Variants in TRAPPC8 observed in about 807,000 individuals in gnomAD.
TRAPPC8 encodes the protein general sporulation gene 1 homolog.
Under a neutral mutation model 174.3 loss-of-function variants are expected in TRAPPC8, and 54 were observed. That is an observed-to-expected ratio of 0.31 (90% CI 0.25 to 0.39). The LOEUF is 0.39. Ranked by LOEUF, TRAPPC8 falls within the 10% of genes least tolerant of loss-of-function variation. The pLI, the probability that TRAPPC8 is intolerant of heterozygous loss-of-function variation, is 1.00. For missense variants in TRAPPC8, 1,531 were observed against 1,699.1 expected, an observed-to-expected ratio of 0.90 and a Z score of 1.74; for synonymous variants, 630 against 579.9, an observed-to-expected ratio of 1.09 and a Z score of -1.24.
chr18:31,900,873 G>T, intron 10 of TRAPPC8, 52 bp downstream of exon 10: 844 of 1,022,506 alleles, frequency 8.3e-4, no homozygotes, highest in Non-Finnish European at 1.0e-3. Flanking sequence ...AAAAAAAAAA[G>T]AACAAACTGA....
intron 14 of TRAPPC8, among the ~76,000 whole-genome samples, chr18:31,871,389 C>T (rs955079200): frequency 6.6e-6 from 1 of 151,798 alleles, no homozygotes; most frequent in African/African-American, 2.4e-5. Flanking sequence ...TTCAAATATA[C>T]AGAAAAGGCA....
At chr18:31,891,630 G>A (rs192885113) in intron 11 of TRAPPC8, among the ~76,000 whole-genome samples, 1 of 152,276 alleles carries the variant, frequency 6.6e-6, no homozygotes, top group Admixed American at 6.5e-5. Flanking sequence ...GAAGGTTGCT[G>A]ATTAAATATC....
At chr18:31,890,657 TTAAA>T in intron 12 of TRAPPC8, 74 bp downstream of exon 12, 1 of 1,510,908 alleles carries the variant, frequency 6.6e-7, no homozygotes, top group Non-Finnish European at 8.9e-7. Flanking sequence ...AAGATCCTTT[TTAAA>T]TAATAAAAAT....
Position 31,857,792 on chromosome 18 carries a change from C to T in TRAPPC8, c.2936G>A (p.Ser979Asn), listed in dbSNP as rs758053248. 1.2e-6 allele frequency: 2 copies of T among 1,614,126 alleles called. No homozygotes were observed. Among genetic ancestry groups the T allele is most frequent in the Non-Finnish European group, 1.7e-6 (2 of 1,180,026 alleles). ...ATCTGTCACAACAGTCTTGTAAGCA[C>T]TACAATTCTCAGAAGCTGAGGGACT... is the stretch of plus-strand genomic sequence containing the variant. ...PLSPSASENC[S>N]AYKTVVTDAT... Residue 979 changes from serine to asparagine, a missense_variant, in exon 20 of 29, where the codon AGT (serine) becomes AAT (asparagine). Ser to Asn is a conservative substitution (Grantham distance 46). Coordinates refer to ENST00000283351, the MANE Select transcript of TRAPPC8 (RefSeq NM_014939.5).
intron 2 of TRAPPC8, among the ~76,000 whole-genome samples, chr18:31,923,976 G>C (rs1447609773): frequency 6.6e-6 from 1 of 151,800 alleles, no homozygotes; most frequent in Admixed American, 6.6e-5. Flanking sequence ...GCAAAACTCT[G>C]CCTCTACTAA....
chr18:31,888,351 T>C (rs2035811785), intron 12 of TRAPPC8, among the ~76,000 whole-genome samples: 1 of 152,116 alleles, frequency 6.6e-6, no homozygotes, highest in African/African-American at 2.4e-5. Context: ...CTGACCAACA[T>C]GGAGAAACCT....
At chr18:31,902,319 A>G (rs1196060202) in intron 9 of TRAPPC8, among the ~76,000 whole-genome samples, 2 of 152,174 alleles carry the variant, frequency 1.3e-5, no homozygotes. Flanking sequence ...CAACAGAGTG[A>G]GATTCGGTCT....
intron 3 of TRAPPC8, among the ~76,000 whole-genome samples, chr18:31,916,789 C>T (rs551557867): frequency 2.0e-5 from 3 of 150,648 alleles, no homozygotes; most frequent in African/African-American, 7.3e-5. Flanking sequence ...CCGCCTCAGC[C>T]TCCCAAAGTG....
At chr18:31,894,441 A>C (rs1482930376) in intron 11 of TRAPPC8, among the ~76,000 whole-genome samples, 1 of 152,130 alleles carries the variant, frequency 6.6e-6, no homozygotes, top group Non-Finnish European at 1.5e-5. Context: ...CTATCGAATA[A>C]CAAGTTTTGT....
chr18:31,840,209 T>TA (rs1348338480), intron 26 of TRAPPC8, among the ~76,000 whole-genome samples: 1 of 152,004 alleles, frequency 6.6e-6, no homozygotes, highest in Non-Finnish European at 1.5e-5. Flanking sequence ...CTATACAAAT[T>TA]AGCCAGGCGT....
At chr18:31,939,128 C>T (rs1216480447) in intron 1 of TRAPPC8, among the ~76,000 whole-genome samples, 1 of 138,000 alleles carries the variant, frequency 7.2e-6, no homozygotes, top group African/African-American at 2.6e-5. Flanking sequence ...AATCCCCACA[C>T]TTGAAACAAA....
chr18:31,936,691 C>T (rs994642997), intron 1 of TRAPPC8, among the ~76,000 whole-genome samples: 1 of 147,880 alleles, frequency 6.8e-6, no homozygotes, highest in Non-Finnish European at 1.5e-5. Context: ...CACTTGAGGT[C>T]GGGAGTTCGA....
rs1414318547 is a variant in TRAPPC8 at position 31,873,635 on chromosome 18, T to G, written c.1954-97A>C. 10 of 791,562 alleles carry G rather than the reference T, an allele frequency of 1.3e-5. No individual in the cohort carries two copies. In the East Asian group the frequency reaches 2.8e-4, roughly 22 times the overall value. 49.0% of individuals were successfully genotyped at this position (791,562 alleles called of 1,614,324 possible). A position where few individuals can be genotyped will look rare whatever the true frequency, so the allele number is the denominator to read the frequency against. On this transcript the variant is annotated intron_variant, in intron 13 of 28. Transcript: ENST00000283351. ...TAATACACAAGGCATTAAAAATATG[T>G]TAAGCAAGAATATTAAGATATGTAA...
chr18:31,857,702 C>T lies in TRAPPC8; in HGVS notation c.3026G>A (p.Gly1009Glu). The stretch of plus-strand genomic sequence containing the variant: ...AACAGGAATCACCTCTGGTTGACTT[C>T]CTGTGCCAATGCCAAAGTCTACAGA... ...ASSVDFGIGT[G>E]SQPEVIPVPL... Residue 1009 changes from glycine (G) to glutamate (E), a missense_variant, in exon 20 of 29, where the codon GGA becomes GAA. Gly to Glu is a moderately conservative substitution (Grantham distance 98). Coordinates refer to ENST00000283351, the MANE Select transcript of TRAPPC8 (RefSeq NM_014939.5). 1 of 1,614,108 alleles carries T rather than the reference C, an allele frequency of 6.2e-7. No homozygotes were observed. The highest frequency in any genetic ancestry group is 8.5e-7 in the Non-Finnish European group (1 of 1,180,010).
At chr18:31,902,752 T>C (rs971069332) in intron 9 of TRAPPC8, among the ~76,000 whole-genome samples, 1 of 152,002 alleles carries the variant, frequency 6.6e-6, no homozygotes, top group Non-Finnish European at 1.5e-5. Context: ...GTTTTCTGTT[T>C]GAAAATAGCC....
Position 31,913,629 on chromosome 18 carries a change from G to A in TRAPPC8, c.618-107C>T. The A allele has an allele frequency of 7.2e-6, 6 of 839,128 alleles. No individual in the cohort carries two copies. The South Asian group carries it at 8.0e-5, about 11-fold the overall frequency. 52.0% of individuals were successfully genotyped at this position (839,128 alleles called of 1,614,324 possible). A position where few individuals can be genotyped will look rare whatever the true frequency, so the allele number is the denominator to read the frequency against. On this transcript the variant is annotated intron_variant, in intron 4 of 28. Coordinates refer to ENST00000283351, the MANE Select transcript of TRAPPC8 (RefSeq NM_014939.5). ...TAACATTAAAATAATCCCCCAAAAA[G>A]GCATATTTAGACTGGAAAAATATAA...
At chr18:31,926,029 G>A (rs2037600261) in intron 2 of TRAPPC8, among the ~76,000 whole-genome samples, 1 of 152,144 alleles carries the variant, frequency 6.6e-6, no homozygotes, top group Non-Finnish European at 1.5e-5. Flanking sequence ...GAAGTGAAGG[G>A]AAGGAAATCC....
chr18:31,878,728 A>T (rs1396405777), intron 12 of TRAPPC8, among the ~76,000 whole-genome samples: 1 of 152,210 alleles, frequency 6.6e-6, no homozygotes, highest in Non-Finnish European at 1.5e-5. Context: ...TCTACAAGAG[A>T]CCTATCTTCT....
At chr18:31,868,467 A>C (rs1200768407) in intron 16 of TRAPPC8, among the ~76,000 whole-genome samples, 1 of 152,190 alleles carries the variant, frequency 6.6e-6, no homozygotes, top group Non-Finnish European at 1.5e-5. Context: ...AATATACTTA[A>C]AAAGCTAATA....
Sources: allele counts gnomAD v4.1 joint callset (sites outside exome capture counted in the v4.1 genomes callset), GRCh38; gene constraint gnomAD v4.1.1; transcripts MANE v1.5; gene names NCBI Gene and HGNC (gene_info 2026-07-23, HGNC 2026-07-21).